Variants in UTRN observed in about 807,000 individuals in gnomAD.
UTRN encodes utrophin, also known as dystrophin-related protein 1.
UTRN carries 283 observed loss-of-function variants against 463.9 expected under a neutral mutation model. That is an observed-to-expected ratio of 0.61 (90% CI 0.55 to 0.67). The LOEUF (loss-of-function observed/expected upper bound fraction) is 0.67. Ranked by LOEUF, UTRN falls within the 30% of genes least tolerant of loss-of-function variation. The pLI, the probability that UTRN is intolerant of heterozygous loss-of-function variation, is 0.00. For missense variants in UTRN, 3,922 were observed against 4,084.3 expected (o/e 0.96, Z 1.08); for synonymous variants, 1,442 against 1,431.5 (o/e 1.01, Z -0.17).
chr6:144,561,677 C>T (rs1446346620), intron 50 of UTRN, among the ~76,000 whole-genome samples: 2 of 152,024 alleles, frequency 1.3e-5, no homozygotes, highest in Non-Finnish European at 2.9e-5. Flanking sequence ...CTGTGCTAAC[C>T]TATAGGAAGT....
chr6:144,504,798 CTCTT>C (rs1014118951), intron 34 of UTRN, among the ~76,000 whole-genome samples: 2 of 152,186 alleles, frequency 1.3e-5, no homozygotes, highest in African/African-American at 4.8e-5. Context: ...AGGAGTCCCT[CTCTT>C]TCTATTGTTT....
intron 59 of UTRN, among the ~76,000 whole-genome samples, chr6:144,772,954 T>G (rs948815263): frequency 6.6e-6 from 1 of 151,856 alleles, no homozygotes; most frequent in Non-Finnish European, 1.5e-5. Context: ...TTTAATCTCT[T>G]TAAATGTTGG....
At chr6:144,477,168 G>A (rs1465791165) in intron 25 of UTRN, among the ~76,000 whole-genome samples, 1 of 152,134 alleles carries the variant, frequency 6.6e-6, no homozygotes, top group African/African-American at 2.4e-5. Context: ...GAACTGGGAG[G>A]TATTCTTTCC....
At chr6:144,774,496 G>A in intron 60 of UTRN, 132 bp downstream of exon 60, 1 of 739,618 alleles carries the variant, frequency 1.4e-6, no homozygotes, top group Non-Finnish European at 2.1e-6. Context: ...CACTCAAGGA[G>A]TTGGTTTTGT....
At chr6:144,569,604 A>G (rs779842058) in intron 50 of UTRN, among the ~76,000 whole-genome samples, 1 of 152,194 alleles carries the variant, frequency 6.6e-6, no homozygotes, top group Non-Finnish European at 1.5e-5. Flanking sequence ...AGTTTATTCA[A>G]TAAATACTTG....
Position 144,531,179 on chromosome 6 carries a change from G to C in UTRN, c.6034G>C (p.Glu2012Gln). Residue 2012 changes from glutamate (E) to glutamine (Q), a missense_variant, in exon 42 of 75, where the codon GAG becomes CAG. Physicochemically the swap from Glu to Gln is conservative, Grantham distance 29 (BLOSUM62 2). This residue lies in a region of UTRN where 2,349 missense variants were observed against 2,303.8 expected (regional missense o/e 1.02). Coordinates refer to ENST00000367545, the MANE Select transcript of UTRN (RefSeq NM_007124.3). ...TCAPGGSLDLEKARIHQQELE... is the reference protein window; with the variant it reads ...TCAPGGSLDLQKARIHQQELE... Reference sequence around the variant, plus strand: ...TGCTCCAGGTGGCAGCCTGGACTTAGAGAAAGCCAGGATACATCAGCAGGT... The same window carrying C: ...TGCTCCAGGTGGCAGCCTGGACTTACAGAAAGCCAGGATACATCAGCAGGT... The C allele has an allele frequency of 6.2e-7, 1 of 1,613,948 alleles. No individual in the cohort carries two copies. Among genetic ancestry groups the C allele is most frequent in the Non-Finnish European group, 8.5e-7 (1 of 1,179,890 alleles).
intron 2 of UTRN, among the ~76,000 whole-genome samples, chr6:144,317,398 A>G (rs1775349239): frequency 6.6e-6 from 1 of 152,012 alleles, no homozygotes; most frequent in African/African-American, 2.4e-5. Context: ...TCTGATATAT[A>G]TATTTATTTT....
At chr6:144,450,906 A>G (rs1337469248) in intron 17 of UTRN, among the ~76,000 whole-genome samples, 1 of 152,198 alleles carries the variant, frequency 6.6e-6, no homozygotes, top group African/African-American at 2.4e-5. Flanking sequence ...AGGCGGGCCG[A>G]TCATGAGGTC....
rs377319447 is a variant in UTRN at position 144,473,009 on chromosome 6, C to T, written c.3067-711C>T. Among the ~76,000 whole-genome samples the T allele has an allele frequency of 1.5e-3, 222 of 152,076 alleles. 9 individuals carry two copies. The South Asian group carries it at 0.044, about 30-fold the overall frequency. On this transcript the variant is annotated intron_variant, in intron 23 of 74. Coordinates refer to ENST00000367545, the MANE Select transcript of UTRN (RefSeq NM_007124.3). Reference sequence around the variant, plus strand: ...GTCTTGATCTCTTGACCTCGTGATCCGTAGCCTGGGCCTCCTAAAGTGCTG... The same window carrying T: ...GTCTTGATCTCTTGACCTCGTGATCTGTAGCCTGGGCCTCCTAAAGTGCTG...
rs1792608032 is a variant in UTRN at position 144,487,715 on chromosome 6, C to G, written c.3972+18C>G. ...GTCACCTGGTAAGAGTTGGGACATACATGGGTGTTGATTAGGTATTGATGA... is the reference window on the plus strand; with the variant it reads ...GTCACCTGGTAAGAGTTGGGACATAGATGGGTGTTGATTAGGTATTGATGA... On this transcript the variant is annotated intron_variant, in intron 29 of 74. Transcript: ENST00000367545. 1 of 1,588,414 alleles carries G rather than the reference C, an allele frequency of 6.3e-7. No individual in the cohort carries two copies. The highest frequency in any genetic ancestry group is 8.6e-7 in the Non-Finnish European group (1 of 1,165,564).
At chr6:144,654,716 C>T (rs948254005) in intron 51 of UTRN, among the ~76,000 whole-genome samples, 9 of 152,202 alleles carry the variant, frequency 5.9e-5, no homozygotes, top group African/African-American at 2.2e-4. Flanking sequence ...GATTGTTTCC[C>T]TCTTGTCTGA....
At chr6:144,665,193 A>T (rs1192357421) in intron 51 of UTRN, among the ~76,000 whole-genome samples, 1 of 152,200 alleles carries the variant, frequency 6.6e-6, no homozygotes, top group Admixed American at 6.5e-5. Context: ...TTTTAACAAG[A>T]CCAAAGAGGA....
At chr6:144,388,849 C>A (rs1456127083) in intron 2 of UTRN, among the ~76,000 whole-genome samples, 1 of 152,170 alleles carries the variant, frequency 6.6e-6, no homozygotes, top group Non-Finnish European at 1.5e-5. Context: ...AAACAGTTCT[C>A]ATGGATGGAC....
intron 51 of UTRN, among the ~76,000 whole-genome samples, chr6:144,592,864 G>C (rs1803245768): frequency 6.6e-6 from 1 of 152,192 alleles, no homozygotes; most frequent in Non-Finnish European, 1.5e-5. Flanking sequence ...ACCTAGTCAA[G>C]TTGAATGATT....
intron 51 of UTRN, among the ~76,000 whole-genome samples, chr6:144,621,609 A>G (rs1333405969): frequency 1.3e-5 from 2 of 152,180 alleles, no homozygotes; most frequent in East Asian, 3.8e-4. Flanking sequence ...GTTAATAATA[A>G]CATATGTAGC....
rs1291788561 is a variant in UTRN at position 144,850,979 on chromosome 6, C to T, written c.10294-10C>T. ...CAAATTTCTGACAGTGCTATTTTCC[C>T]TTCCCATAGGCAATGTGAAGTATTC... On this transcript the variant is annotated splice_polypyrimidine_tract_variant and intron_variant, in intron 74 of 74. Coordinates refer to ENST00000367545, the MANE Select transcript of UTRN (RefSeq NM_007124.3). 3 of 1,613,478 alleles carry T rather than the reference C, an allele frequency of 1.9e-6. No homozygotes were observed. The highest frequency in any genetic ancestry group is 2.2e-5 in the East Asian group (1 of 44,880).
At chr6:144,408,293 G>A (rs1320162258) in intron 3 of UTRN, among the ~76,000 whole-genome samples, 1 of 152,192 alleles carries the variant, frequency 6.6e-6, no homozygotes. Flanking sequence ...CTAAATTTCA[G>A]AGCCTCTGGC....
chr6:144,408,418 T>G (rs916854663), intron 3 of UTRN, among the ~76,000 whole-genome samples: 2 of 152,262 alleles, frequency 1.3e-5, no homozygotes, highest in Admixed American at 6.5e-5. Flanking sequence ...GAGCTGCTCA[T>G]CTGGCAGAGC....
At chr6:144,369,889 G>C (rs148127673) in intron 2 of UTRN, among the ~76,000 whole-genome samples, 4,418 of 152,286 alleles carry the variant, frequency 0.029, 209 homozygotes, top group African/African-American at 0.099. Context: ...TGTAAGACAT[G>C]CCTTTGCTCC....
Sources: gnomAD v4.1 joint callset for allele counts (sites outside exome capture counted in the v4.1 genomes callset) on GRCh38, gnomAD v4.1.1 for gene constraint, gnomAD v4.1.1 regional missense constraint, MANE v1.5 for transcripts, NCBI Gene and HGNC (gene_info 2026-07-23, HGNC 2026-07-21) for gene names.